The following VPS33A variants were observed in gnomAD, a reference collection of about 807,000 sequenced individuals.
The protein encoded by VPS33A is vacuolar protein sorting-associated protein 33A.
Under a neutral mutation model 71.8 loss-of-function variants are expected in VPS33A, and 32 were observed. The ratio of observed to expected loss-of-function variants is 0.45; its 90% CI spans 0.34 to 0.60. The LOEUF (loss-of-function observed/expected upper bound fraction) is 0.60, where lower values mean the gene tolerates loss of function less well. VPS33A is among the 20% of genes least tolerant of loss of function. VPS33A has a pLI of 0.02. For synonymous variants in VPS33A, 311 were observed against 292.7 expected (o/e 1.06, Z -0.64); for missense variants, 625 against 748.5 (o/e 0.84, Z 1.92).
Position 122,232,224 on chromosome 12 carries a change from T to C in VPS33A, c.*22A>G, listed in dbSNP as rs1303562081. ...GAGGTAGTTTATTCTGCAGTACACT[T>C]GTTAAGTCTCCTCTGAACATCCTAG... is the stretch of plus-strand genomic sequence containing the variant. On this transcript the variant is annotated 3_prime_UTR_variant, in exon 13 of 13. Coordinates refer to ENST00000267199, the MANE Select transcript of VPS33A (RefSeq NM_022916.6). 1.9e-6 allele frequency: 3 copies of C among 1,597,524 alleles called. No individual in the cohort carries two copies. The highest frequency in any genetic ancestry group is 2.6e-6 in the Non-Finnish European group (3 of 1,172,490).
chr12:122,232,016 C>T lies in VPS33A; in HGVS notation c.*230G>A, dbSNP rs1245213429. 1 of 455,530 alleles carries T rather than the reference C, an allele frequency of 2.2e-6. No individual in the cohort carries two copies. Among genetic ancestry groups the T allele is most frequent in the East Asian group, 3.4e-5 (1 of 29,360 alleles). The allele number at this position is 455,530 out of a possible 1,614,324, so 28.2% of individuals were successfully genotyped here. A position where few individuals can be genotyped will look rare whatever the true frequency, so the allele number is the denominator to read the frequency against. On this transcript the variant is annotated 3_prime_UTR_variant, in exon 13 of 13. Coordinates refer to ENST00000267199, the MANE Select transcript of VPS33A (RefSeq NM_022916.6). ...AGGTTGCAGTGAGGTGAGACCGTGCCACTGCACTCTAGTCTGGGTGACAGA... is the reference window on the plus strand; with the variant it reads ...AGGTTGCAGTGAGGTGAGACCGTGCTACTGCACTCTAGTCTGGGTGACAGA...
intron 4 of VPS33A, among the ~76,000 whole-genome samples, chr12:122,258,921 C>A (rs1384749201): frequency 6.9e-6 from 1 of 144,136 alleles, no homozygotes; most frequent in Non-Finnish European, 1.5e-5. Context: ...GCCGAGGTTG[C>A]AGTGTGCCAA....
intron 3 of VPS33A, among the ~76,000 whole-genome samples, chr12:122,262,490 G>A (rs959977736): frequency 6.6e-6 from 1 of 152,016 alleles, no homozygotes; most frequent in Non-Finnish European, 1.5e-5. Context: ...TCCAAAAATA[G>A]CCCATATGCT....
rs912735707 is a variant in VPS33A, at chr12:122,230,009, G to C, written c.*2237C>G. On this transcript the variant is annotated 3_prime_UTR_variant, in exon 13 of 13. Transcript: ENST00000267199. The stretch of plus-strand genomic sequence containing the variant: ...AGGAACCAAAAAATGGAGGGGCAGG[G>C]TGGATTCCATTCTCTAAAGCAGCTG... 2 of 152,200 alleles carry C rather than the reference G, an allele frequency of 1.3e-5. No homozygotes were observed. Among genetic ancestry groups the C allele is most frequent in the Non-Finnish European group, 2.9e-5 (2 of 68,058 alleles). The allele number at this position is 152,200 out of a possible 1,614,324, so 9.4% of individuals were successfully genotyped here.
chr12:122,265,819 G>A lies in VPS33A; in HGVS notation c.102+488C>T, dbSNP rs148858089. 12 of 423,594 alleles carry A rather than the reference G, an allele frequency of 2.8e-5. No homozygotes were observed. In the Admixed American group the frequency reaches 2.9e-4, roughly 10 times the overall value. 26.2% of individuals were successfully genotyped at this position (423,594 alleles called of 1,614,324 possible). On this transcript the variant is annotated intron_variant, in intron 1 of 12. Transcript: ENST00000267199. ...CTCCCTTGTGAAAAGGGTGCTACTA[G>A]AGAAGTTATACTGTTTTAGGAGGCC...
chr12:122,254,697 T>C (rs1954892251), intron 4 of VPS33A, among the ~76,000 whole-genome samples: 1 of 151,852 alleles, frequency 6.6e-6, no homozygotes, highest in South Asian at 2.1e-4. Flanking sequence ...GGAGCCACCA[T>C]GTCCGGCCAA....
chr12:122,231,992 G>A lies in VPS33A; in HGVS notation c.*254C>T. The stretch of plus-strand genomic sequence containing the variant: ...GAATTGCTTGAACCTAGGAGGTGGA[G>A]GTTGCAGTGAGGTGAGACCGTGCCA... On this transcript the variant is annotated 3_prime_UTR_variant, in exon 13 of 13. Transcript: ENST00000267199. 2.4e-6 allele frequency: 1 copy of A among 417,358 alleles called. No homozygotes were observed. Among genetic ancestry groups the A allele is most frequent in the Non-Finnish European group, 4.2e-6 (1 of 238,422 alleles). 25.9% of individuals were successfully genotyped at this position (417,358 alleles called of 1,614,324 possible).
Position 122,266,485 on chromosome 12 carries a change from G to A in VPS33A, c.-77C>T, listed in dbSNP as rs1479356674. 6.5e-7 allele frequency: 1 copy of A among 1,549,092 alleles called. No individual in the cohort carries two copies. ...ACGGGAGGACCACGGACGCAGTCAC[G>A]TGACCAAACGTCCACGTGACCGGTA... On this transcript the variant is annotated 5_prime_UTR_variant, in exon 1 of 13. It adds an upstream start codon to the 5' untranslated region. Coordinates refer to ENST00000267199, the MANE Select transcript of VPS33A (RefSeq NM_022916.6).
chr12:122,244,453 A>G, intron 7 of VPS33A, 116 bp downstream of exon 7: 3 of 875,502 alleles, frequency 3.4e-6, no homozygotes, highest in Middle Eastern at 6.4e-4. Context: ...AAGATGAGAA[A>G]AGTTGCATTG....
At chr12:122,260,611 T>G (rs966689915) in intron 4 of VPS33A, among the ~76,000 whole-genome samples, 23 of 152,316 alleles carry the variant, frequency 1.5e-4, no homozygotes, top group African/African-American at 5.5e-4. Flanking sequence ...TATTGTGAGT[T>G]ATAATAAATA....
chr12:122,242,478 T>C lies in VPS33A; in HGVS notation c.1000A>G (p.Ile334Val), dbSNP rs765295444. 2 of 1,613,974 alleles carry C rather than the reference T, an allele frequency of 1.2e-6. No homozygotes were observed. The highest frequency in any genetic ancestry group is 1.1e-5 in the South Asian group (1 of 91,076). Residue 334 changes from isoleucine to valine, a missense_variant, in exon 8 of 13, where the codon ATC becomes GTC. Ile to Val is a conservative substitution (Grantham distance 29). Transcript: ENST00000267199. ...ERHNAKTVGE[I>V]KQFVSQLPHM... ...GGCAACTGGGAAACAAACTGCTTGA[T>C]CTCCCCCACGGTCTTAGCATTGTGT...
intron 9 of VPS33A, 127 bp from the exon 10 acceptor site, chr12:122,238,851 C>T: frequency 9.2e-7 from 1 of 1,091,560 alleles, no homozygotes; most frequent in Non-Finnish European, 1.3e-6. Flanking sequence ...TATTATTTTT[C>T]AAAGTCCAAT....
intron 4 of VPS33A, among the ~76,000 whole-genome samples, chr12:122,258,735 C>T (rs886224995): frequency 6.6e-6 from 1 of 151,984 alleles, no homozygotes. Flanking sequence ...AATCGCAGCA[C>T]TTTGGGAGGC....
intron 4 of VPS33A, among the ~76,000 whole-genome samples, chr12:122,258,682 A>C (rs1260716041): frequency 6.6e-6 from 1 of 152,052 alleles, no homozygotes; most frequent in African/African-American, 2.4e-5. Flanking sequence ...TAGGATGACT[A>C]AATTCAAAGA....
chr12:122,251,899 T>C (rs923152958), intron 4 of VPS33A, among the ~76,000 whole-genome samples: 10 of 149,640 alleles, frequency 6.7e-5, no homozygotes, highest in Non-Finnish European at 1.3e-4. Flanking sequence ...GTTGTGCACA[T>C]GTACCCTAGA....
chr12:122,248,133 A>G (rs1954800218), intron 6 of VPS33A: 1 of 151,712 alleles, frequency 6.6e-6, no homozygotes, highest in African/African-American at 2.4e-5. Flanking sequence ...CCTGGTCTCA[A>G]ACTTCTGATC....
At chr12:122,250,279 T>C in intron 5 of VPS33A, 2 of 478,116 alleles carry the variant, frequency 4.2e-6, no homozygotes, top group Non-Finnish European at 7.4e-6. Context: ...AGTCTATTCT[T>C]GTGATTCGCA....
At chr12:122,253,900 C>T (rs1029020893) in intron 4 of VPS33A, among the ~76,000 whole-genome samples, 7 of 151,926 alleles carry the variant, frequency 4.6e-5, no homozygotes, top group African/African-American at 1.5e-4. Context: ...GGTTTCACCA[C>T]GTTGCCGAGG....
chr12:122,263,998 C>T (rs979784089), intron 2 of VPS33A, 136 bp downstream of exon 2: 10 of 739,620 alleles, frequency 1.4e-5, no homozygotes, highest in Middle Eastern at 3.3e-4. Context: ...AAATGTTAAT[C>T]GGGCACTAGT....
Sources: allele counts gnomAD v4.1 joint callset (sites outside exome capture counted in the v4.1 genomes callset), GRCh38; gene constraint gnomAD v4.1.1; transcripts MANE v1.5; gene names NCBI Gene and HGNC (gene_info 2026-07-23, HGNC 2026-07-21).